Variants in INSC observed in about 807,000 individuals in gnomAD.
The protein encoded by INSC is protein inscuteable homolog.
INSC carries 67 observed loss-of-function variants against 58.6 expected under a neutral mutation model. The observed-to-expected ratio is 1.14, with a 90% CI of 0.94 to 1.40. INSC has a LOEUF of 1.40. Among genes scored for constraint, INSC ranks in the 40% most tolerant of loss-of-function variants. The pLI is 0.00. For synonymous variants in INSC, 262 were observed against 276.1 expected (o/e 0.95, Z 0.51); for missense variants, 714 against 692.0 (o/e 1.03, Z -0.36).
At chr11:15,228,046 A>G (rs1164250171) in intron 9 of INSC, among the ~76,000 whole-genome samples, 2 of 152,254 alleles carry the variant, frequency 1.3e-5, no homozygotes, top group African/African-American at 4.8e-5. Context: ...TACATATTTT[A>G]CAAAGTTGAA....
chr11:15,209,984 C>T (rs1850956787), intron 7 of INSC, among the ~76,000 whole-genome samples: 1 of 152,202 alleles, frequency 6.6e-6, no homozygotes, highest in Admixed American at 6.5e-5. Flanking sequence ...TGGCAATTTG[C>T]ACCGGCTTTG....
chr11:15,203,991 A>G (rs562150105), intron 7 of INSC, among the ~76,000 whole-genome samples: 78 of 152,374 alleles, frequency 5.1e-4, no homozygotes, highest in African/African-American at 1.8e-3. Context: ...AAATAGCAGA[A>G]CTGAATAGTT....
chr11:15,233,116 GT>G (rs748092849), intron 9 of INSC, among the ~76,000 whole-genome samples: 11 of 152,170 alleles, frequency 7.2e-5, no homozygotes, highest in Non-Finnish European at 1.2e-4. Context: ...TTAGATGTAG[GT>G]TGAGCTACAC....
intron 7 of INSC, among the ~76,000 whole-genome samples, chr11:15,217,363 G>A (rs1851259505): frequency 6.6e-6 from 1 of 152,232 alleles, no homozygotes; most frequent in Admixed American, 6.5e-5. Context: ...GGGAACTACA[G>A]TTCAAGGTGA....
intron 5 of INSC, 150 bp from the exon 6 acceptor site, chr11:15,190,551 C>T: frequency 3.0e-6 from 2 of 669,202 alleles, no homozygotes; most frequent in Admixed American, 2.3e-5. Flanking sequence ...AAAGCTAGAA[C>T]TTCATTGCAC....
intron 9 of INSC, among the ~76,000 whole-genome samples, chr11:15,234,594 A>C (rs1852050635): frequency 6.6e-6 from 1 of 152,202 alleles, no homozygotes; most frequent in Non-Finnish European, 1.5e-5. Flanking sequence ...AGCTTTGAAG[A>C]AACCTTTCGA....
chr11:15,243,243 C>A (rs1438684229), intron 12 of INSC, among the ~76,000 whole-genome samples: 2 of 152,158 alleles, frequency 1.3e-5, no homozygotes, highest in African/African-American at 4.8e-5. Context: ...CCTAGCCTGG[C>A]AGATGGAGTT....
chr11:15,145,766 A>G (rs1026921309), intron 1 of INSC, among the ~76,000 whole-genome samples: 5 of 152,122 alleles, frequency 3.3e-5, no homozygotes, highest in African/African-American at 1.2e-4. Flanking sequence ...GGGCTGTGTC[A>G]CTGAGGGCTG....
chr11:15,114,424 G>A (rs928918654), upstream of INSC, among the ~76,000 whole-genome samples: 3 of 152,186 alleles, frequency 2.0e-5, no homozygotes, highest in Admixed American at 6.5e-5. Context: ...CTAGGCGTTT[G>A]GGGTCTATCA....
At chr11:15,140,943 G>A (rs536516184) in intron 1 of INSC, among the ~76,000 whole-genome samples, 2 of 152,118 alleles carry the variant, frequency 1.3e-5, no homozygotes, top group East Asian at 3.9e-4. Context: ...TGTGCTTCTG[G>A]CTCCTCATCT....
chr11:15,264,564 C>G, the INSC span, among the ~76,000 whole-genome samples: 1 of 150,092 alleles, frequency 6.7e-6, no homozygotes, highest in Non-Finnish European at 1.5e-5. Flanking sequence ...CTATCTAGAG[C>G]CAGCAATAGA....
At chr11:15,157,128 A>T (rs563978564) in intron 2 of INSC, among the ~76,000 whole-genome samples, 6 of 152,316 alleles carry the variant, frequency 3.9e-5, no homozygotes, top group African/African-American at 1.2e-4. Context: ...ACTTCTGGGA[A>T]CTGGGTAGGA....
At chr11:15,112,684 C>T (rs1847598391), upstream of INSC, 2 of 653,872 alleles carry the variant, frequency 3.1e-6, no homozygotes, top group Admixed American at 3.6e-5. Context: ...CTCCAGGGAA[C>T]ATCTAACAAA....
chr11:15,206,580 G>A (rs894210362), intron 7 of INSC, among the ~76,000 whole-genome samples: 1 of 152,182 alleles, frequency 6.6e-6, no homozygotes, highest in Non-Finnish European at 1.5e-5. Context: ...ACAGTCCAGC[G>A]AGAGCAGATG....
chr11:15,122,472 C>T (rs1847896880), intron 1 of INSC, among the ~76,000 whole-genome samples: 1 of 152,152 alleles, frequency 6.6e-6, no homozygotes, highest in Admixed American at 6.5e-5. Flanking sequence ...AGTTTGATGC[C>T]TCAAAGGCCT....
chr11:15,202,748 GA>G (rs1850643901), intron 7 of INSC, among the ~76,000 whole-genome samples: 1 of 152,224 alleles, frequency 6.6e-6, no homozygotes, highest in Admixed American at 6.5e-5. Flanking sequence ...TTGCAGTGCA[GA>G]AGGAAGTTTT....
chr11:15,235,746 C>T, intron 10 of INSC, 78 bp downstream of exon 10: 2 of 1,205,186 alleles, frequency 1.7e-6, no homozygotes, highest in Non-Finnish European at 1.2e-6. Context: ...TGTGTGAATG[C>T]CTGTGCAGGT....
chr11:15,194,960 T>C (rs2133870063), intron 6 of INSC, among the ~76,000 whole-genome samples: 1 of 152,306 alleles, frequency 6.6e-6, no homozygotes, highest in Non-Finnish European at 1.5e-5. Flanking sequence ...TGGTCTGGAG[T>C]AGGTCCTGGG....
chr11:15,162,941 C>T (rs1380667794), intron 2 of INSC, among the ~76,000 whole-genome samples: 1 of 152,166 alleles, frequency 6.6e-6, no homozygotes, highest in South Asian at 2.1e-4. Flanking sequence ...AAATTTATTT[C>T]TCCTATCCAT....
Sources: gnomAD v4.1 joint callset for allele counts (sites outside exome capture counted in the v4.1 genomes callset) on GRCh38, gnomAD v4.1.1 for gene constraint, MANE v1.5 for transcripts, NCBI Gene and HGNC (gene_info 2026-07-23, HGNC 2026-07-21) for gene names.